STK3: variants seen among roughly 807,000 people sequenced by gnomAD.
STK3 encodes the protein serine/threonine-protein kinase 3.
In STK3, 41 loss-of-function variants were observed where a neutral mutation model predicts 58.0. The observed-to-expected ratio is 0.71, with a 90% CI of 0.55 to 0.92. STK3 has a LOEUF of 0.92. Among genes scored for constraint, STK3 ranks in the 40% least tolerant of loss-of-function variants. The probability of loss-of-function intolerance (pLI) is 0.00; values close to 1 mark genes in which losing one functional copy is unlikely to be tolerated. For missense variants in STK3, 479 were observed against 602.7 expected, an observed-to-expected ratio of 0.79 and a Z score of 2.15; for synonymous variants, 170 against 191.0, an observed-to-expected ratio of 0.89 and a Z score of 0.91.
At chr8:98,465,492 A>G (rs551903172) in intron 10 of STK3, among the ~76,000 whole-genome samples, 2 of 152,320 alleles carry the variant, frequency 1.3e-5, no homozygotes, top group East Asian at 3.9e-4. Flanking sequence ...CTATTCATGT[A>G]TTTTAGCCAT....
chr8:98,572,263 T>C (rs1813025409), intron 8 of STK3, among the ~76,000 whole-genome samples: 1 of 150,160 alleles, frequency 6.7e-6, no homozygotes, highest in Non-Finnish European at 1.5e-5. Flanking sequence ...TTTTGAATAC[T>C]AGAGTTAAAC....
At position 98,858,257 on chromosome 8, in the gene STK3, C is replaced by T. The variant is rs58802406; in HGVS notation, c.110+25390G>A. Among the ~76,000 whole-genome samples the T allele has an allele frequency of 8.0e-3, 941 of 117,322 alleles. 2 individuals are homozygous for T. Among genetic ancestry groups the T allele is most frequent in the Middle Eastern group, 0.038 (7 of 186 alleles). 77.0% of individuals were successfully genotyped at this position (117,322 alleles called of 152,430 possible). ...ATTAGCCGGATGTGGTGGCATGCACCTATAGTCCCAGCTACAGTATATACA... is the reference window on the plus strand; with the variant it reads ...ATTAGCCGGATGTGGTGGCATGCACTTATAGTCCCAGCTACAGTATATACA... On this transcript the variant is annotated intron_variant, in intron 3 of 12. Transcript: ENST00000523601.
chr8:98,389,757 C>G (rs571048178), upstream of STK3, among the ~76,000 whole-genome samples: 1 of 149,558 alleles, frequency 6.7e-6, no homozygotes, highest in East Asian at 1.9e-4. Context: ...AGTGGCCACC[C>G]CTAGACCAAC....
intron 3 of STK3, among the ~76,000 whole-genome samples, chr8:98,749,845 GA>G (rs935762147): frequency 4.7e-4 from 72 of 151,596 alleles, no homozygotes; most frequent in African/African-American, 1.5e-3. Context: ...AAATTCTAGA[GA>G]AAAAAAATTA....
intron 8 of STK3, among the ~76,000 whole-genome samples, chr8:98,575,767 C>CA (rs1813347529): frequency 6.6e-6 from 1 of 151,984 alleles, no homozygotes; most frequent in South Asian, 2.1e-4. Flanking sequence ...CCACCGCACC[C>CA]AGCTTCTATA....
intron 9 of STK3, among the ~76,000 whole-genome samples, chr8:98,545,267 T>A (rs951337512): frequency 6.6e-6 from 1 of 152,148 alleles, no homozygotes; most frequent in Non-Finnish European, 1.5e-5. Flanking sequence ...GAGATCCACA[T>A]GTAAATAATG....
chr8:98,450,687 A>C (rs1228573484), downstream of STK3, among the ~76,000 whole-genome samples: 1 of 152,210 alleles, frequency 6.6e-6, no homozygotes, highest in Non-Finnish European at 1.5e-5. Flanking sequence ...AAAATAATAA[A>C]AGAAAAAAAT....
At chr8:98,775,650 T>C (rs995000093) in intron 1 of STK3, among the ~76,000 whole-genome samples, 27 of 152,162 alleles carry the variant, frequency 1.8e-4, no homozygotes, top group African/African-American at 6.5e-4. Context: ...TGGAAAGCAG[T>C]ATGGGAAATG....
chr8:98,866,919 T>C (rs1313940270), intron 3 of STK3, among the ~76,000 whole-genome samples: 1 of 152,114 alleles, frequency 6.6e-6, no homozygotes, highest in Non-Finnish European at 1.5e-5. Flanking sequence ...AATTTTGGAC[T>C]TAATACCTTC....
chr8:98,840,051 G>T (rs1835907148), intron 3 of STK3, among the ~76,000 whole-genome samples: 1 of 151,944 alleles, frequency 6.6e-6, no homozygotes, highest in Non-Finnish European at 1.5e-5. Context: ...AAGAGTAAGG[G>T]CATTAAAAAT....
intron 8 of STK3, among the ~76,000 whole-genome samples, chr8:98,575,565 G>A: frequency 6.6e-6 from 1 of 151,042 alleles, no homozygotes; most frequent in East Asian, 1.9e-4. Flanking sequence ...GCCCTGTCCT[G>A]GTCTCTGGTA....
In STK3 at chr8:98,730,715, CAA is replaced by C. The variant is rs36085293; in HGVS notation, c.351+18559_351+18560del. ...TGAACAACAGGGCAAGACTCCGTCT[CAA>C]AAAAAAAAAAAAAAAAAAAAACACC... is the stretch of plus-strand genomic sequence containing the variant. On this transcript the variant is annotated intron_variant, in intron 4 of 10. Coordinates refer to ENST00000419617, the MANE Select transcript of STK3 (RefSeq NM_006281.4). Among the ~76,000 whole-genome samples, 52 of 66,382 alleles carry C rather than the reference CAA, an allele frequency of 7.8e-4. 1 individual carries two copies. Among genetic ancestry groups the C allele is most frequent in the African/African-American group, 2.0e-3 (33 of 16,784 alleles). 43.5% of individuals were successfully genotyped at this position (66,382 alleles called of 152,430 possible). A position where few individuals can be genotyped will look rare whatever the true frequency, so the allele number is the denominator to read the frequency against.
intron 2 of STK3, among the ~76,000 whole-genome samples, chr8:98,772,465 G>A (rs1013116090): frequency 5.9e-5 from 9 of 152,182 alleles, no homozygotes; most frequent in African/African-American, 1.2e-4. Flanking sequence ...TTGGGAGGCC[G>A]AGGTGGGAAG....
intron 1 of STK3, among the ~76,000 whole-genome samples, chr8:98,940,711 C>T (rs868440726): frequency 1.3e-5 from 2 of 152,228 alleles, no homozygotes; most frequent in Non-Finnish European, 2.9e-5. Context: ...ATCTGCGCCG[C>T]CCCGCACGCG....
chr8:98,931,184 T>C (rs573028628), intron 1 of STK3, among the ~76,000 whole-genome samples: 137 of 152,282 alleles, frequency 9.0e-4, no homozygotes, highest in African/African-American at 3.1e-3. Context: ...GGCCAAGGGA[T>C]GAGCTGAAGT....
intron 1 of STK3, among the ~76,000 whole-genome samples, chr8:98,824,340 T>A (rs542951242): frequency 6.6e-6 from 1 of 152,214 alleles, no homozygotes; most frequent in East Asian, 1.9e-4. Flanking sequence ...ACACCTATAA[T>A]GAAACTCTGA....
At chr8:98,745,411 A>G (rs1829575798) in intron 4 of STK3, among the ~76,000 whole-genome samples, 1 of 152,162 alleles carries the variant, frequency 6.6e-6, no homozygotes, top group South Asian at 2.1e-4. Context: ...AACTTGTACT[A>G]TTTGAAAGAG....
chr8:98,698,400 G>T (rs1825194091), intron 6 of STK3, among the ~76,000 whole-genome samples: 1 of 152,068 alleles, frequency 6.6e-6, no homozygotes, highest in South Asian at 2.1e-4. Context: ...ATTTGATCCT[G>T]TCATTTTGAT....
At chr8:98,639,662 T>C (rs1458113280) in intron 6 of STK3, among the ~76,000 whole-genome samples, 4 of 152,228 alleles carry the variant, frequency 2.6e-5, no homozygotes, top group Non-Finnish European at 4.4e-5. Flanking sequence ...ACCAAAGGCA[T>C]ATAGTAATAA....
Sources: allele counts gnomAD v4.1 joint callset (sites outside exome capture counted in the v4.1 genomes callset), GRCh38; gene constraint gnomAD v4.1.1; transcripts MANE v1.5; gene names NCBI Gene and HGNC (gene_info 2026-07-23, HGNC 2026-07-21).